Variants in CD247 observed in about 807,000 individuals in gnomAD.
The protein encoded by CD247 is T-cell surface glycoprotein CD3 zeta chain.
CD247 carries 13 observed loss-of-function variants against 30.0 expected under a neutral mutation model. That is an observed-to-expected ratio of 0.43 (90% CI 0.28 to 0.69). The LOEUF (loss-of-function observed/expected upper bound fraction) is 0.69, where lower values mean the gene tolerates loss of function less well. CD247 is among the 30% of genes least tolerant of loss of function. The pLI is 0.16. For synonymous variants in CD247, 72 were observed against 80.0 expected (o/e 0.90, Z 0.53); for missense variants, 193 against 212.6 (o/e 0.91, Z 0.57).
chr1:167,439,812 AC>A (rs2101994949), intron 2 of CD247: 1 of 246,926 alleles, frequency 4.0e-6, no homozygotes, highest in South Asian at 5.0e-5. Flanking sequence ...TCCTATCTTG[AC>A]CCCCGGAGCA....
chr1:167,496,136 T>C (rs1654681280), intron 1 of CD247, among the ~76,000 whole-genome samples: 1 of 152,240 alleles, frequency 6.6e-6, no homozygotes, highest in South Asian at 2.1e-4. Flanking sequence ...AATAAATAAA[T>C]GAATGAATAG....
At chr1:167,435,936 A>G (rs1290576093) in intron 4 of CD247, among the ~76,000 whole-genome samples, 3 of 152,184 alleles carry the variant, frequency 2.0e-5, no homozygotes, top group African/African-American at 7.2e-5. Flanking sequence ...CATTCACTCT[A>G]GCAACAACAC....
At chr1:167,515,627 T>C (rs891103483) in intron 1 of CD247, among the ~76,000 whole-genome samples, 1 of 152,264 alleles carries the variant, frequency 6.6e-6, no homozygotes, top group Non-Finnish European at 1.5e-5. Context: ...AGTCATCCTA[T>C]GACCAGCCAG....
chr1:167,442,713 G>A (rs1208647783), intron 1 of CD247, among the ~76,000 whole-genome samples: 1 of 152,074 alleles, frequency 6.6e-6, no homozygotes, highest in African/African-American at 2.4e-5. Context: ...AAAGGCAGCC[G>A]CCAGTGTCCC....
intron 1 of CD247, among the ~76,000 whole-genome samples, chr1:167,515,472 A>T (rs369047289): frequency 6.6e-6 from 1 of 152,256 alleles, no homozygotes. Flanking sequence ...GAAGTAAAAA[A>T]ATCCAGCCAA....
At chr1:167,435,671 A>G (rs1651512837) in intron 4 of CD247, among the ~76,000 whole-genome samples, 1 of 152,182 alleles carries the variant, frequency 6.6e-6, no homozygotes, top group Non-Finnish European at 1.5e-5. Flanking sequence ...AGAGGGGCCC[A>G]CCCAAGCCCA....
At chr1:167,446,245 C>G (rs1402639393) in intron 1 of CD247, among the ~76,000 whole-genome samples, 1 of 152,180 alleles carries the variant, frequency 6.6e-6, no homozygotes, top group Admixed American at 6.5e-5. Context: ...CGTTCCACTT[C>G]AAGTCCGCCC....
chr1:167,463,781 T>G (rs1462421248), intron 1 of CD247, among the ~76,000 whole-genome samples: 2 of 152,260 alleles, frequency 1.3e-5, no homozygotes, highest in Non-Finnish European at 2.9e-5. Flanking sequence ...TTAAGGATAA[T>G]GTCAACCTAT....
intron 1 of CD247, among the ~76,000 whole-genome samples, chr1:167,497,161 G>C (rs1015414953): frequency 6.6e-5 from 10 of 152,206 alleles, no homozygotes; most frequent in South Asian, 6.2e-4. Context: ...CATAGTTCAT[G>C]ACAGGGAGAG....
At chr1:167,439,284 C>T (rs1651697220) in intron 3 of CD247, 60 bp downstream of exon 3, 1 of 1,501,064 alleles carries the variant, frequency 6.7e-7, no homozygotes, top group Non-Finnish European at 9.3e-7. Flanking sequence ...GGCGCGTTCC[C>T]TAGGTCCGAG....
intron 7 of CD247, among the ~76,000 whole-genome samples, chr1:167,432,650 C>G (rs1651326685): frequency 6.6e-6 from 1 of 152,240 alleles, no homozygotes; most frequent in Admixed American, 6.5e-5. Flanking sequence ...TCTCATCTTA[C>G]TAGGCCTAAG....
chr1:167,475,364 T>C (rs1214909221), intron 1 of CD247, among the ~76,000 whole-genome samples: 1 of 152,138 alleles, frequency 6.6e-6, no homozygotes, highest in Non-Finnish European at 1.5e-5. Context: ...ATCATGTCAT[T>C]TTATCTATAA....
chr1:167,504,030 A>C (rs1655015556), intron 1 of CD247, among the ~76,000 whole-genome samples: 1 of 152,140 alleles, frequency 6.6e-6, no homozygotes, highest in African/African-American at 2.4e-5. Flanking sequence ...GTCCGTGACA[A>C]GCAAATATGA....
At chr1:167,439,943 T>C (rs1374529581) in intron 2 of CD247, 1 of 168,192 alleles carries the variant, frequency 5.9e-6, no homozygotes, top group Non-Finnish European at 1.3e-5. Context: ...ACAGCCTCAC[T>C]CCTGCTTCAC....
chr1:167,491,889 A>T (rs1196038055), intron 1 of CD247, among the ~76,000 whole-genome samples: 1 of 152,220 alleles, frequency 6.6e-6, no homozygotes, highest in East Asian at 1.9e-4. Flanking sequence ...ATATGGTATG[A>T]TTTCACTTAT....
chr1:167,500,232 A>T (rs1430800750), intron 1 of CD247, among the ~76,000 whole-genome samples: 3 of 152,254 alleles, frequency 2.0e-5, no homozygotes, highest in African/African-American at 7.2e-5. Flanking sequence ...GGTGGAGAGC[A>T]TTTATGATGC....
rs550111523 is a variant in CD247, at chr1:167,503,282, C to T, written c.58+15126G>A. Among the ~76,000 whole-genome samples, 3 of 152,220 alleles carry T rather than the reference C, an allele frequency of 2.0e-5. No homozygotes were observed. The South Asian group carries it at 6.2e-4, about 32-fold the overall frequency. ...CAAAGTTTCCTCCTCCTCCTTTTTG[C>T]ATTAAATCCTACCCATTCATATCCT... On this transcript the variant is annotated intron_variant, in intron 1 of 7. Coordinates refer to ENST00000362089, the MANE Select transcript of CD247 (RefSeq NM_198053.3).
Position 167,491,495 on chromosome 1 carries a change from G to A in CD247, c.58+26913C>T, listed in dbSNP as rs1459857962. ...AGGCAAGAGAATTGCTTGAAGCCAG[G>A]AAGGGAGGTTGCAGTGAGCCAAGAT... On this transcript the variant is annotated intron_variant, in intron 1 of 7. Transcript: ENST00000362089. Among the ~76,000 whole-genome samples, 13 of 151,448 alleles carry A rather than the reference G, an allele frequency of 8.6e-5. 1 individual carries two copies. Among genetic ancestry groups the A allele is most frequent in the Admixed American group, 8.6e-4 (13 of 15,170 alleles).
At chr1:167,492,026 A>G (rs1347426385) in intron 1 of CD247, among the ~76,000 whole-genome samples, 1 of 152,178 alleles carries the variant, frequency 6.6e-6, no homozygotes, top group South Asian at 2.1e-4. Flanking sequence ...CGCAAAATGA[A>G]AAGAATTCTA....
Sources: gnomAD v4.1 joint callset for allele counts (sites outside exome capture counted in the v4.1 genomes callset) on GRCh38, gnomAD v4.1.1 for gene constraint, MANE v1.5 for transcripts, NCBI Gene and HGNC (gene_info 2026-07-23, HGNC 2026-07-21) for gene names.